Variants in ST7L observed in about 807,000 individuals in gnomAD.
ST7L encodes the protein suppressor of tumorigenicity 7 protein-like.
ST7L carries 57 observed loss-of-function variants against 72.5 expected under a neutral mutation model. The ratio of observed to expected loss-of-function variants is 0.79; its 90% CI spans 0.64 to 0.98. The LOEUF is 0.98. Among genes scored for constraint, ST7L ranks in the 50% least tolerant of loss-of-function variants. ST7L has a pLI of 0.00. For synonymous variants in ST7L, 221 were observed against 240.9 expected (o/e 0.92, Z 0.77); for missense variants, 576 against 672.2 (o/e 0.86, Z 1.58).
At chr1:112,541,760 A>G (rs1656138070) in intron 14 of ST7L, 191 bp downstream of exon 14, 3 of 1,299,482 alleles carry the variant, frequency 2.3e-6, no homozygotes, top group Non-Finnish European at 2.9e-6. Context: ...TAAACTTTTA[A>G]GCAACAGAAG....
chr1:112,592,072 G>A (rs573006263), intron 5 of ST7L, among the ~76,000 whole-genome samples: 6 of 150,872 alleles, frequency 4.0e-5, no homozygotes, highest in South Asian at 2.1e-4. Flanking sequence ...ACGGGCTTGC[G>A]TTTTGTGTAA....
intron 13 of ST7L, among the ~76,000 whole-genome samples, chr1:112,546,012 T>C (rs908028253): frequency 6.6e-6 from 1 of 152,118 alleles, no homozygotes; most frequent in African/African-American, 2.4e-5. Context: ...AATCTGATTC[T>C]CTCTCCCAGA....
chr1:112,584,119 TG>T lies in ST7L; in HGVS notation c.708del (p.Thr237LeufsTer15), dbSNP rs754709243. ...YQALELNNDC[A>X]TAYVLLAEEE... is the part of the protein sequence containing the mutation. The stretch of plus-strand genomic sequence containing the variant: ...TCCTCAGCCAGTAGAACATATGCAG[TG>T]GCACAGCTATGAAGAAAGCAAGAAG... On this transcript the variant is annotated frameshift_variant, in exon 7 of 15. Coordinates refer to ENST00000358039, the MANE Select transcript of ST7L (RefSeq NM_017744.5). LOFTEE classifies it high-confidence loss of function. 8 of 1,612,908 alleles carry T rather than the reference TG, an allele frequency of 5.0e-6. No homozygotes were observed. In the Admixed American group the frequency reaches 1.3e-4, roughly 27 times the overall value.
intron 11 of ST7L, among the ~76,000 whole-genome samples, chr1:112,572,525 A>G (rs1379665392): frequency 6.6e-6 from 1 of 152,250 alleles, no homozygotes; most frequent in Non-Finnish European, 1.5e-5. Context: ...TGTTTATTAT[A>G]TCTACCTTCA....
At chr1:112,582,518 G>A in intron 7 of ST7L, 46 bp from the exon 8 acceptor site, 1 of 1,148,478 alleles carries the variant, frequency 8.7e-7, no homozygotes, top group Non-Finnish European at 1.3e-6. Flanking sequence ...CTTTTGTATT[G>A]TGGGCTGCTA....
At chr1:112,533,584 G>C (rs1165248002) in intron 14 of ST7L, among the ~76,000 whole-genome samples, 1 of 152,086 alleles carries the variant, frequency 6.6e-6, no homozygotes, top group Admixed American at 6.6e-5. Context: ...AAAGTGCTGG[G>C]ATTACAGGCG....
intron 6 of ST7L, among the ~76,000 whole-genome samples, chr1:112,588,006 T>C (rs2101923438): frequency 6.6e-6 from 1 of 152,348 alleles, no homozygotes; most frequent in Middle Eastern, 3.4e-3. Context: ...CATCCAAGTC[T>C]TGCACCTCCT....
intron 4 of ST7L, among the ~76,000 whole-genome samples, chr1:112,599,260 C>T (rs1326834355): frequency 1.3e-5 from 2 of 151,416 alleles, no homozygotes; most frequent in African/African-American, 4.8e-5. Flanking sequence ...CTGTTTCTTA[C>T]AGGTATCCCT....
chr1:112,616,992 T>G, intron 1 of ST7L, 97 bp from the exon 2 acceptor site: 2 of 749,782 alleles, frequency 2.7e-6, no homozygotes, highest in Non-Finnish European at 4.5e-6. Flanking sequence ...GGGACTTAAG[T>G]AGTATTAATA....
At chr1:112,564,119 C>A (rs1396580585) in intron 11 of ST7L, among the ~76,000 whole-genome samples, 1 of 152,028 alleles carries the variant, frequency 6.6e-6, no homozygotes, top group African/African-American at 2.4e-5. Context: ...AAAGACAGTT[C>A]CCAGATAGAA....
chr1:112,543,868 CAAAA>C (rs11418345), intron 13 of ST7L, among the ~76,000 whole-genome samples: 1 of 59,442 alleles, frequency 1.7e-5, no homozygotes, highest in Non-Finnish European at 3.2e-5. Flanking sequence ...GACTCTATCT[CAAAA>C]AAAAAAAAAA....
intron 1 of ST7L, chr1:112,618,224 C>A: frequency 8.8e-7 from 1 of 1,130,868 alleles, no homozygotes; most frequent in Non-Finnish European, 1.1e-6. Context: ...ATATGAGAAT[C>A]CATCAGGATC....
intron 2 of ST7L, 147 bp from the exon 3 acceptor site, chr1:112,611,150 T>A: frequency 2.8e-6 from 2 of 716,026 alleles, no homozygotes; most frequent in Non-Finnish European, 4.3e-6. Flanking sequence ...AAACACAAGA[T>A]TCACCAATAA....
At chr1:112,591,445 G>A in intron 6 of ST7L, 80 bp downstream of exon 6, 4 of 1,202,102 alleles carry the variant, frequency 3.3e-6, no homozygotes, top group Middle Eastern at 5.5e-4. Flanking sequence ...AGTGTCTTAG[G>A]AACAGACAAA....
At chr1:112,571,236 T>C (rs1307567796) in intron 11 of ST7L, 1 of 436,212 alleles carries the variant, frequency 2.3e-6, no homozygotes. Context: ...TTAAAGGGTC[T>C]ATCTACAAAC....
intron 13 of ST7L, among the ~76,000 whole-genome samples, chr1:112,544,282 T>C (rs1656704421): frequency 6.6e-6 from 1 of 152,214 alleles, no homozygotes. Context: ...TTTTAAAACA[T>C]AATGATTCAC....
intron 14 of ST7L, chr1:112,539,661 A>C (rs1365754088): frequency 2.1e-5 from 20 of 949,056 alleles, no homozygotes; most frequent in Non-Finnish European, 2.4e-5. Flanking sequence ...GTTTCAAAAA[A>C]AAAAAAAAAA....
At chr1:112,604,329 C>A (rs1192667237) in intron 3 of ST7L, among the ~76,000 whole-genome samples, 1 of 150,980 alleles carries the variant, frequency 6.6e-6, no homozygotes, top group Non-Finnish European at 1.5e-5. Context: ...AATAAAAATA[C>A]AACAATTCTC....
chr1:112,601,989 C>T (rs574545074), intron 3 of ST7L, among the ~76,000 whole-genome samples: 1 of 147,626 alleles, frequency 6.8e-6, no homozygotes, highest in South Asian at 2.1e-4. Context: ...GAGAGTGAGA[C>T]AGAAGAATTG....
Sources: allele counts gnomAD v4.1 joint callset (sites outside exome capture counted in the v4.1 genomes callset), GRCh38; gene constraint gnomAD v4.1.1; transcripts MANE v1.5; gene names NCBI Gene and HGNC (gene_info 2026-07-23, HGNC 2026-07-21).